The following ALG14 variants were observed in gnomAD, a reference collection of about 807,000 sequenced individuals.
ALG14 encodes ALG14 UDP-N-acetylglucosaminyltransferase subunit.
In ALG14, 17 loss-of-function variants were observed where a neutral mutation model predicts 22.8. The ratio of observed to expected loss-of-function variants is 0.75; its 90% CI spans 0.51 to 1.12. The LOEUF (loss-of-function observed/expected upper bound fraction) is 1.12. Among genes scored for constraint, ALG14 ranks in the 50% most tolerant of loss-of-function variants. The pLI, the probability that ALG14 is intolerant of heterozygous loss-of-function variation, is 0.00. For missense variants in ALG14, 288 were observed against 271.8 expected, an observed-to-expected ratio of 1.06 and a Z score of -0.42; for synonymous variants, 89 against 103.7, an observed-to-expected ratio of 0.86 and a Z score of 0.86.
intron 2 of ALG14, among the ~76,000 whole-genome samples, chr1:95,048,539 C>A (rs998438859): frequency 1.3e-5 from 2 of 152,114 alleles, no homozygotes; most frequent in Non-Finnish European, 2.9e-5. Context: ...TCCTTCCACG[C>A]CTTGGAGGGG....
intron 2 of ALG14, among the ~76,000 whole-genome samples, chr1:95,037,827 G>A (rs1337386911): frequency 1.3e-5 from 2 of 152,076 alleles, no homozygotes; most frequent in Non-Finnish European, 2.9e-5. Context: ...TTTCAGAGCT[G>A]TACTCTCTAA....
chr1:94,992,526 C>T (rs894772030), intron 3 of ALG14, among the ~76,000 whole-genome samples: 3 of 151,558 alleles, frequency 2.0e-5, no homozygotes, highest in South Asian at 2.1e-4. Flanking sequence ...TGGACTGACT[C>T]GAAGTTACTG....
chr1:95,062,725 G>A (rs1175054933), intron 2 of ALG14, among the ~76,000 whole-genome samples: 1 of 152,122 alleles, frequency 6.6e-6, no homozygotes, highest in African/African-American at 2.4e-5. Flanking sequence ...TTGATTCCAT[G>A]TCTTTGCTAT....
At chr1:95,030,126 G>A (rs1004870511) in intron 2 of ALG14, among the ~76,000 whole-genome samples, 12 of 152,280 alleles carry the variant, frequency 7.9e-5, no homozygotes, top group African/African-American at 2.9e-4. Context: ...GTTTGGACAG[G>A]TAATATGGTT....
chr1:95,067,719 T>A (rs1431207671), intron 1 of ALG14, among the ~76,000 whole-genome samples: 1 of 152,212 alleles, frequency 6.6e-6, no homozygotes, highest in Non-Finnish European at 1.5e-5. Flanking sequence ...AGTTTCTTGA[T>A]CTGTTCCCTG....
intron 2 of ALG14, among the ~76,000 whole-genome samples, chr1:95,044,652 C>A (rs1217727901): frequency 6.6e-6 from 1 of 152,120 alleles, no homozygotes; most frequent in Non-Finnish European, 1.5e-5. Context: ...GTTCCCCATC[C>A]CTGTGCAATC....
At position 95,029,427 on chromosome 1, in the gene ALG14, A is replaced by T. The variant is rs188397949; in HGVS notation, c.289-2167T>A. 9.8e-5 allele frequency among the ~76,000 whole-genome samples: 15 copies of T among 152,332 alleles called. No individual in the cohort carries two copies. The East Asian group carries it at 2.9e-3, about 29-fold the overall frequency. On this transcript the variant is annotated intron_variant, in intron 2 of 3. Coordinates refer to ENST00000370205, the MANE Select transcript of ALG14 (RefSeq NM_144988.4). ...TTTCTGATATTTTGATATTAGTTAC[A>T]CAGATCAACCCTATTTGATATGGAA...
intron 2 of ALG14, among the ~76,000 whole-genome samples, chr1:95,036,772 A>T (rs115016036): frequency 0.041 from 6,180 of 152,198 alleles, 150 homozygotes; most frequent in South Asian, 0.083. Context: ...GCAGTTCTTT[A>T]TAGCAGCATG....
intron 3 of ALG14, among the ~76,000 whole-genome samples, chr1:95,007,826 T>C (rs376788964): frequency 1.3e-5 from 2 of 152,356 alleles, no homozygotes; most frequent in African/African-American, 4.8e-5. Flanking sequence ...AGGTTAGCCA[T>C]GGAAGTCTAA....
chr1:95,037,321 G>A (rs1037072736), intron 2 of ALG14, among the ~76,000 whole-genome samples: 6 of 152,120 alleles, frequency 3.9e-5, no homozygotes, highest in Admixed American at 6.5e-5. Flanking sequence ...ATCATTCCTG[G>A]CTACAATGAT....
chr1:95,015,187 C>T lies in ALG14; in HGVS notation c.420+11942G>A, dbSNP rs538281190. Among the ~76,000 whole-genome samples the T allele has an allele frequency of 9.4e-4, 143 of 152,252 alleles. 2 individuals are homozygous for T. Among genetic ancestry groups the T allele is most frequent in the Middle Eastern group, 6.8e-3 (2 of 294 alleles). On this transcript the variant is annotated intron_variant, in intron 3 of 3. Transcript: ENST00000370205. ...TCCAGGAGGGATCAGAGGGTGTTAG[C>T]TGAGGACGAGATATTTAACCGAGAG...
intron 3 of ALG14, 143 bp downstream of exon 3, chr1:95,026,985 AT>A: frequency 1.4e-5 from 14 of 1,032,754 alleles, no homozygotes; most frequent in Non-Finnish European, 1.9e-5. Flanking sequence ...GAAGTCCAAG[AT>A]CAAGGCACCA....
chr1:95,032,274 G>A (rs1674033702), intron 2 of ALG14, among the ~76,000 whole-genome samples: 1 of 151,936 alleles, frequency 6.6e-6, no homozygotes, highest in South Asian at 2.1e-4. Flanking sequence ...GATATATTTA[G>A]AATATAGAAA....
chr1:95,001,163 A>G (rs1248515148), intron 3 of ALG14, among the ~76,000 whole-genome samples: 2 of 152,190 alleles, frequency 1.3e-5, no homozygotes, highest in South Asian at 2.1e-4. Context: ...TGGGAAGAGT[A>G]CAGTCTCTTC....
chr1:95,032,401 T>C (rs1571628359), intron 2 of ALG14, among the ~76,000 whole-genome samples: 1 of 152,084 alleles, frequency 6.6e-6, no homozygotes, highest in Non-Finnish European at 1.5e-5. Context: ...GCTGGGGTAG[T>C]GCAGGGAATT....
chr1:95,005,480 T>C (rs1265262226), intron 3 of ALG14, among the ~76,000 whole-genome samples: 1 of 152,170 alleles, frequency 6.6e-6, no homozygotes, highest in Non-Finnish European at 1.5e-5. Context: ...ATTTGTATAA[T>C]GTTATATCAT....
At chr1:95,051,119 T>G (rs1186326879) in intron 2 of ALG14, among the ~76,000 whole-genome samples, 1 of 152,102 alleles carries the variant, frequency 6.6e-6, no homozygotes, top group Non-Finnish European at 1.5e-5. Context: ...TAGACCAGAC[T>G]TCCCTTCTGA....
Position 95,064,967 on chromosome 1 carries a change from A to G in ALG14, c.187T>C (p.Tyr63His). 6.2e-7 allele frequency: 1 copy of G among 1,613,878 alleles called. No individual in the cohort carries two copies. Among genetic ancestry groups the G allele is most frequent in the South Asian group, 1.1e-5 (1 of 91,040 alleles). ...LRLLGSLSNA[Y>H]SPRHYVIADT... ...GCAATGACATAATGTCTAGGTGAGTAGGCATTGGACAAGCTCCCAAGCAGC... is the reference window on the plus strand; with the variant it reads ...GCAATGACATAATGTCTAGGTGAGTGGGCATTGGACAAGCTCCCAAGCAGC... The change falls in exon 2 of 4, where the codon TAC becomes CAC. Residue 63 changes from tyrosine (Y) to histidine (H), a missense_variant. Coordinates refer to ENST00000370205, the MANE Select transcript of ALG14 (RefSeq NM_144988.4).
intron 2 of ALG14, among the ~76,000 whole-genome samples, chr1:95,054,906 T>G (rs1674878019): frequency 6.6e-6 from 1 of 152,108 alleles, no homozygotes; most frequent in Non-Finnish European, 1.5e-5. Context: ...CATTTAAAAA[T>G]CCAAAACAAT....
Sources: gnomAD v4.1 joint callset for allele counts (sites outside exome capture counted in the v4.1 genomes callset) on GRCh38, gnomAD v4.1.1 for gene constraint, MANE v1.5 for transcripts, NCBI Gene and HGNC (gene_info 2026-07-23, HGNC 2026-07-21) for gene names.